Variants in CDH9 observed in about 807,000 individuals in gnomAD.
CDH9 encodes cadherin-9.
In CDH9, 28 loss-of-function variants were observed where a neutral mutation model predicts 70.9. The ratio of observed to expected loss-of-function variants is 0.40; its 90% CI spans 0.29 to 0.54. The LOEUF (loss-of-function observed/expected upper bound fraction) is 0.54. Ranked by LOEUF, CDH9 falls within the 20% of genes least tolerant of loss-of-function variation. CDH9 has a pLI of 0.59. For missense variants in CDH9, 874 were observed against 984.4 expected, an observed-to-expected ratio of 0.89 and a Z score of 1.50; for synonymous variants, 409 against 343.1, an observed-to-expected ratio of 1.19 and a Z score of -2.12.
intron 1 of CDH9, among the ~76,000 whole-genome samples, chr5:26,994,755 A>T (rs544267116): frequency 4.1e-4 from 63 of 152,272 alleles, no homozygotes; most frequent in African/African-American, 1.4e-3. Flanking sequence ...ATATAGCAGC[A>T]TGGACTGACT....
chr5:26,939,199 T>C (rs1300837807), intron 2 of CDH9, among the ~76,000 whole-genome samples: 3 of 151,738 alleles, frequency 2.0e-5, no homozygotes, highest in African/African-American at 7.2e-5. Context: ...TAATCTATTA[T>C]AAATTTTAGC....
Position 26,889,991 on chromosome 5 carries a change from A to T in CDH9, c.1391-34T>A, listed in dbSNP as rs1173749240. The T allele has an allele frequency of 2.5e-6, 4 of 1,601,270 alleles. No homozygotes were observed. In the Admixed American group the frequency reaches 6.9e-5, roughly 28 times the overall value. ...AGAACACGTGTAAGATTTCAGTCTC[A>T]TTTACACAGAAGCAGTGAAACCACT... On this transcript the variant is annotated intron_variant, in intron 8 of 11. Transcript: ENST00000231021.
At chr5:27,031,334 T>G (rs148573540) in intron 1 of CDH9, among the ~76,000 whole-genome samples, 1 of 152,002 alleles carries the variant, frequency 6.6e-6, no homozygotes, top group African/African-American at 2.4e-5. Context: ...TAGAACAAAA[T>G]ATTATTTTTA....
At chr5:26,890,157 A>G (rs116621338) in intron 8 of CDH9, among the ~76,000 whole-genome samples, 200 bp from the exon 9 acceptor site, 50 of 152,328 alleles carry the variant, frequency 3.3e-4, no homozygotes, top group African/African-American at 1.1e-3. Context: ...AGAATGAAGT[A>G]TTATTTGTAA....
chr5:26,965,944 A>G (rs1742121890), intron 2 of CDH9, among the ~76,000 whole-genome samples: 1 of 152,176 alleles, frequency 6.6e-6, no homozygotes, highest in Admixed American at 6.5e-5. Context: ...GAATAATCAC[A>G]TCCAACTTTT....
intron 1 of CDH9, among the ~76,000 whole-genome samples, chr5:27,024,386 G>A (rs1203455610): frequency 6.6e-6 from 1 of 151,962 alleles, no homozygotes; most frequent in South Asian, 2.1e-4. Flanking sequence ...AAAAAATGTA[G>A]TGTCACATCA....
chr5:27,001,842 A>ACTCTCT lies in CDH9; in HGVS notation c.-49-13461_-49-13460insAGAGAG, dbSNP rs1430161167. Among the ~76,000 whole-genome samples, 410 of 125,904 alleles carry ACTCTCT rather than the reference A, an allele frequency of 3.3e-3. 1 individual carries two copies. Among genetic ancestry groups the ACTCTCT allele is most frequent in the African/African-American group, 0.012 (385 of 32,172 alleles). The allele number at this position is 125,904 out of a possible 152,430, so 82.6% of individuals were successfully genotyped here. On this transcript the variant is annotated intron_variant, in intron 1 of 11. Transcript: ENST00000231021. Reference sequence around the variant, plus strand: ...CAGTGCTTAACATACACACACACACACACTCTCTCTCTCTCTCTCTCTCTC... The same window carrying ACTCTCT: ...CAGTGCTTAACATACACACACACACACTCTCTCACTCTCTCTCTCTCTCTCTCTCTC...
At chr5:27,028,756 GA>G (rs530707889) in intron 1 of CDH9, among the ~76,000 whole-genome samples, 1 of 151,898 alleles carries the variant, frequency 6.6e-6, no homozygotes, top group Admixed American at 6.6e-5. Flanking sequence ...GAATATAGCA[GA>G]AAAAAATTAA....
chr5:26,917,563 T>C (rs1374174283), intron 2 of CDH9, among the ~76,000 whole-genome samples: 1 of 152,108 alleles, frequency 6.6e-6, no homozygotes, highest in East Asian at 1.9e-4. Context: ...ATTTAAATTA[T>C]GTTTTTAAAT....
intron 2 of CDH9, among the ~76,000 whole-genome samples, chr5:26,917,997 A>G (rs1165990349): frequency 6.6e-6 from 1 of 152,180 alleles, no homozygotes; most frequent in Non-Finnish European, 1.5e-5. Context: ...TATTGAAAAA[A>G]TATAACTTTT....
intron 1 of CDH9, among the ~76,000 whole-genome samples, chr5:27,002,938 A>T (rs1742797228): frequency 6.6e-6 from 1 of 152,070 alleles, no homozygotes; most frequent in Non-Finnish European, 1.5e-5. Context: ...TAAAAATAAA[A>T]AATAAATAAG....
At chr5:26,942,301 G>A (rs1741676371) in intron 2 of CDH9, among the ~76,000 whole-genome samples, 1 of 152,052 alleles carries the variant, frequency 6.6e-6, no homozygotes, top group Non-Finnish European at 1.5e-5. Flanking sequence ...CTTCCCACTG[G>A]GTCCCTCCCA....
chr5:26,903,667 A>C lies in CDH9; in HGVS notation c.969T>G (p.Asp323Glu). ...ADMFDVITDKDTQEGIITVKQ... is the reference protein window; with the variant it reads ...ADMFDVITDKETQEGIITVKQ... Reference sequence around the variant, plus strand: ...TGACAGTTATAATCCCTTCCTGTGTATCCTTGTCAGTGATGACATCGAACA... The same window carrying C: ...TGACAGTTATAATCCCTTCCTGTGTCTCCTTGTCAGTGATGACATCGAACA... Residue 323 changes from aspartate (D) to glutamate (E), a missense_variant, in exon 6 of 12, where the codon GAT (aspartate) becomes GAG (glutamate). Asp to Glu is a conservative substitution (Grantham distance 45, BLOSUM62 2). Coordinates refer to ENST00000231021, the MANE Select transcript of CDH9 (RefSeq NM_016279.4). The C allele has an allele frequency of 6.2e-7, 1 of 1,609,664 alleles. No homozygotes were observed. The highest frequency in any genetic ancestry group is 8.5e-7 in the Non-Finnish European group (1 of 1,176,086).
Position 26,903,766 on chromosome 5 carries a change from T to C in CDH9, c.870A>G (p.Ile290Met), listed in dbSNP as rs978500051. The C allele has an allele frequency of 1.2e-6, 2 of 1,608,000 alleles. No individual in the cohort carries two copies. Among genetic ancestry groups the C allele is most frequent in the Non-Finnish European group, 1.7e-6 (2 of 1,176,446 alleles). The stretch of plus-strand genomic sequence containing the variant: ...CCCCCACGTCAGGGTCATTGGCTTT[T>C]ATCCTTCCAAGATGAGTTCCAAGAG... Reference protein sequence around the residue: ...SVPLGTHLGRIKANDPDVGEN... With the variant: ...SVPLGTHLGRMKANDPDVGEN... Residue 290 changes from isoleucine to methionine, a missense_variant, in exon 6 of 12, where the codon ATA becomes ATG. Transcript: ENST00000231021.
At chr5:26,951,248 C>T (rs62346440) in intron 2 of CDH9, among the ~76,000 whole-genome samples, 9,048 of 134,790 alleles carry the variant, frequency 0.067, 346 homozygotes, top group Middle Eastern at 0.2. Flanking sequence ...AGTGGAGATC[C>T]CACCATTGCA....
intron 7 of CDH9, among the ~76,000 whole-genome samples, chr5:26,901,251 T>A (rs754516515): frequency 7.9e-5 from 12 of 151,958 alleles, no homozygotes; most frequent in Non-Finnish European, 1.6e-4. Context: ...AATTTGATAC[T>A]GATAATGTAT....
At chr5:26,984,700 A>G (rs568794533) in intron 2 of CDH9, among the ~76,000 whole-genome samples, 1 of 152,114 alleles carries the variant, frequency 6.6e-6, no homozygotes, top group Admixed American at 6.5e-5. Flanking sequence ...TAAATAATTC[A>G]GTCACAAGTG....
intron 2 of CDH9, among the ~76,000 whole-genome samples, chr5:26,974,697 C>A (rs1187486684): frequency 6.6e-6 from 1 of 151,986 alleles, no homozygotes; most frequent in Non-Finnish European, 1.5e-5. Flanking sequence ...ATACAAATGA[C>A]AAATACAAAA....
chr5:26,975,115 G>C (rs1579488141), intron 2 of CDH9, among the ~76,000 whole-genome samples: 1 of 152,120 alleles, frequency 6.6e-6, no homozygotes, highest in African/African-American at 2.4e-5. Context: ...GTGAGTGGAA[G>C]TGCTCACAGA....
Sources: gnomAD v4.1 joint callset for allele counts (sites outside exome capture counted in the v4.1 genomes callset) on GRCh38, gnomAD v4.1.1 for gene constraint, MANE v1.5 for transcripts, NCBI Gene and HGNC (gene_info 2026-07-23, HGNC 2026-07-21) for gene names.